Variants in CES5A observed in about 807,000 individuals in gnomAD.
CES5A encodes the protein carboxylesterase 5A.
In CES5A, 67 loss-of-function variants were observed where a neutral mutation model predicts 62.9. The ratio of observed to expected loss-of-function variants is 1.07; its 90% CI spans 0.88 to 1.31. The LOEUF is 1.31. Among genes scored for constraint, CES5A ranks in the 50% most tolerant of loss-of-function variants. CES5A has a pLI of 0.00. For missense variants in CES5A, 748 were observed against 708.5 expected (o/e 1.06, Z -0.63); for synonymous variants, 296 against 280.8 (o/e 1.05, Z -0.54).
rs779906535 is a variant in CES5A, at chr16:55,866,097, G to T, written c.571C>A (p.Pro191Thr). Residue 191 changes from proline to threonine, a missense_variant, in exon 5 of 13, where the codon CCG becomes ACG. Pro to Thr is a conservative substitution (Grantham distance 38). Transcript: ENST00000290567. The stretch of plus-strand genomic sequence containing the variant: ...TGGTCCTTGAAGGCCCAGTTCCCCG[G>T]AGCATGCTGATCCCATGTGCTGAGG... The part of the protein sequence containing the change: ...GFFTTWDQHA[P>T]GNWAFKDQVA... 1.9e-6 allele frequency: 3 copies of T among 1,613,536 alleles called. No individual in the cohort carries two copies. The highest frequency in any genetic ancestry group is 2.5e-6 in the Non-Finnish European group (3 of 1,179,696).
At chr16:55,887,942 A>C (rs1030573987) in intron 1 of CES5A, among the ~76,000 whole-genome samples, 1 of 152,180 alleles carries the variant, frequency 6.6e-6, no homozygotes, top group Non-Finnish European at 1.5e-5. Flanking sequence ...TACTGCATGC[A>C]GTACTGATTA....
At chr16:55,944,211 A>G in intron 2 of CES5A, 3 of 665,790 alleles carry the variant, frequency 4.5e-6, no homozygotes, top group Admixed American at 2.2e-5. Context: ...AGCTGACAGT[A>G]CGACTCTGAA....
intron 10 of CES5A, among the ~76,000 whole-genome samples, chr16:55,851,616 C>A (rs146319456): frequency 2.5e-3 from 385 of 152,292 alleles, no homozygotes; most frequent in South Asian, 0.023. Flanking sequence ...TTAAACATAG[C>A]ATTACAGATG....
At chr16:55,950,770 T>C (rs12445447) in intron 1 of CES5A, among the ~76,000 whole-genome samples, 33,913 of 151,388 alleles carry the variant, frequency 0.22, 4,998 homozygotes, top group Non-Finnish European at 0.33. Flanking sequence ...AGTCTTTAGA[T>C]TGAATGGATC....
At chr16:55,897,146 T>C (rs1362398) in intron 1 of CES5A, among the ~76,000 whole-genome samples, 108,642 of 151,100 alleles carry the variant, frequency 0.72, 39,061 homozygotes, top group Non-Finnish European at 0.73. Flanking sequence ...TCTCCAGGGA[T>C]GGCTAAGTAT....
At chr16:55,910,744 G>A (rs1216397937) in intron 1 of CES5A, among the ~76,000 whole-genome samples, 1 of 152,178 alleles carries the variant, frequency 6.6e-6, no homozygotes, top group Non-Finnish European at 1.5e-5. Flanking sequence ...GGCAAAGCAT[G>A]GCTGATGCTG....
At chr16:55,895,881 C>G (rs1309995976) in intron 1 of CES5A, among the ~76,000 whole-genome samples, 1 of 152,048 alleles carries the variant, frequency 6.6e-6, no homozygotes, top group Non-Finnish European at 1.5e-5. Context: ...GGTCATGGGT[C>G]CCTTATGAAC....
chr16:55,952,023 A>C (rs1280307171), intron 1 of CES5A, among the ~76,000 whole-genome samples: 1 of 152,172 alleles, frequency 6.6e-6, no homozygotes, highest in Non-Finnish European at 1.5e-5. Flanking sequence ...GCATTCAAAA[A>C]AAATTACTCA....
At chr16:55,863,540 A>G (rs1351169468) in intron 5 of CES5A, 88 bp from the exon 6 acceptor site, 1 of 767,626 alleles carries the variant, frequency 1.3e-6, no homozygotes, top group African/African-American at 1.7e-5. Flanking sequence ...CCTTCCCAGG[A>G]AGCCTCCTTA....
intron 1 of CES5A, among the ~76,000 whole-genome samples, chr16:55,907,596 T>C (rs2034051717): frequency 6.6e-6 from 1 of 152,182 alleles, no homozygotes; most frequent in African/African-American, 2.4e-5. Context: ...AAATGGTTCA[T>C]CGTGGTTCTG....
At chr16:55,873,732 C>T (rs2033641110) in intron 2 of CES5A, 101 bp downstream of exon 2, 3 of 1,070,960 alleles carry the variant, frequency 2.8e-6, no homozygotes, top group Non-Finnish European at 4.1e-6. Context: ...CCCTCCTCCC[C>T]CATCCATGCC....
At chr16:55,919,980 AGTTCCCAAATG>A (rs1402094910) in intron 1 of CES5A, among the ~76,000 whole-genome samples, 2 of 152,220 alleles carry the variant, frequency 1.3e-5, no homozygotes, top group African/African-American at 4.8e-5. Flanking sequence ...TGAGTCTTCC[AGTTCCCAAATG>A]GTAGCACAGA....
chr16:55,904,539 A>G (rs1231982449), intron 1 of CES5A, among the ~76,000 whole-genome samples: 1 of 152,192 alleles, frequency 6.6e-6, no homozygotes, highest in Non-Finnish European at 1.5e-5. Context: ...TCAAATCTCT[A>G]CTACTATTAC....
chr16:55,863,985 G>A (rs2033406282), intron 5 of CES5A, among the ~76,000 whole-genome samples: 1 of 152,006 alleles, frequency 6.6e-6, no homozygotes, highest in South Asian at 2.1e-4. Flanking sequence ...TCAATCTCCT[G>A]ACCACTCACC....
At chr16:55,864,915 A>T (rs1206094964) in intron 5 of CES5A, among the ~76,000 whole-genome samples, 3 of 151,762 alleles carry the variant, frequency 2.0e-5, no homozygotes, top group Non-Finnish European at 4.4e-5. Flanking sequence ...CTCAAAAAAA[A>T]TATTGCTGTC....
At chr16:55,887,891 G>T (rs3843722) in intron 1 of CES5A, among the ~76,000 whole-genome samples, 73,658 of 151,770 alleles carry the variant, frequency 0.49, 18,741 homozygotes, top group African/African-American at 0.65. Context: ...GGAAGCAAAG[G>T]CTTGCTGGAA....
chr16:55,902,290 C>A (rs1335154338), intron 1 of CES5A, among the ~76,000 whole-genome samples: 1 of 152,156 alleles, frequency 6.6e-6, no homozygotes, highest in African/African-American at 2.4e-5. Context: ...TCTTATGTGA[C>A]AACTTCTGTC....
chr16:55,940,782 A>G (rs1258938306), intron 2 of CES5A, among the ~76,000 whole-genome samples: 2 of 151,186 alleles, frequency 1.3e-5, no homozygotes, highest in Non-Finnish European at 2.9e-5. Context: ...AAATAATAGC[A>G]ACCAAATTAA....
intron 1 of CES5A, among the ~76,000 whole-genome samples, chr16:55,898,121 G>A (rs1414532489): frequency 1.3e-5 from 2 of 152,222 alleles, no homozygotes; most frequent in South Asian, 2.1e-4. Flanking sequence ...TCTGTGTCAT[G>A]TGGCTACAAG....
Sources: allele counts gnomAD v4.1 joint callset (sites outside exome capture counted in the v4.1 genomes callset), GRCh38; gene constraint gnomAD v4.1.1; transcripts MANE v1.5; gene names NCBI Gene and HGNC (gene_info 2026-07-23, HGNC 2026-07-21).